Variants in MND1 observed in about 807,000 individuals in gnomAD.
MND1 encodes the protein meiotic nuclear division protein 1 homolog.
MND1 carries 28 observed loss-of-function variants against 35.1 expected under a neutral mutation model. The observed-to-expected ratio is 0.80, with a 90% CI of 0.59 to 1.09. The LOEUF (loss-of-function observed/expected upper bound fraction) is 1.09. Ranked by LOEUF, MND1 falls within the 50% of genes least tolerant of loss-of-function variation. The pLI, the probability that MND1 is intolerant of heterozygous loss-of-function variation, is 0.00. For missense variants in MND1, 213 were observed against 239.6 expected (o/e 0.89, Z 0.73); for synonymous variants, 69 against 70.5 (o/e 0.98, Z 0.11).
At chr4:153,360,777 A>ACATATATT (rs1427195317) in intron 4 of MND1, among the ~76,000 whole-genome samples, 3 of 81,490 alleles carry the variant, frequency 3.7e-5, no homozygotes, top group African/African-American at 2.3e-4. Context: ...ATACATATAC[A>ACATATATT]CATATATACA....
In MND1 at chr4:153,344,727, G is replaced by C. The variant is rs757110907; in HGVS notation, c.-11G>C. 1.3e-6 allele frequency: 2 copies of C among 1,594,578 alleles called. No homozygotes were observed. Among genetic ancestry groups the C allele is most frequent in the South Asian group, 2.3e-5 (2 of 88,352 alleles). On this transcript the variant is annotated 5_prime_UTR_variant, in exon 1 of 8. Coordinates refer to ENST00000240488, the MANE Select transcript of MND1 (RefSeq NM_032117.4). ...GCGGGCCCGGCCAGCGGAAGCCCCT[G>C]CGCCCGCGCCATGGTAAGGACTGAG...
intron 6 of MND1, among the ~76,000 whole-genome samples, chr4:153,401,229 C>T (rs965506018): frequency 6.6e-6 from 1 of 152,040 alleles, no homozygotes; most frequent in African/African-American, 2.4e-5. Context: ...ATATGGAGTC[C>T]TTGACTCCCA....
chr4:153,378,707 C>T (rs1484533864), intron 4 of MND1, among the ~76,000 whole-genome samples: 1 of 152,226 alleles, frequency 6.6e-6, no homozygotes, highest in African/African-American at 2.4e-5. Context: ...CTGGAATAGT[C>T]TCACCAGTTG....
At chr4:153,389,560 C>T (rs1336393278) in intron 4 of MND1, among the ~76,000 whole-genome samples, 1 of 152,062 alleles carries the variant, frequency 6.6e-6, no homozygotes, top group African/African-American at 2.4e-5. Flanking sequence ...GGGATTTCAC[C>T]ATGTTGGTCA....
At chr4:153,397,148 T>C in intron 5 of MND1, 71 bp from the exon 6 acceptor site, 1 of 1,003,446 alleles carries the variant, frequency 1.0e-6, no homozygotes, top group Non-Finnish European at 1.5e-6. Context: ...GAAATTGTTA[T>C]AAAATGTATT....
chr4:153,395,291 A>G (rs559547476), intron 5 of MND1, among the ~76,000 whole-genome samples: 6 of 152,144 alleles, frequency 3.9e-5, no homozygotes, highest in Non-Finnish European at 8.8e-5. Flanking sequence ...TGTTTTTTTT[A>G]AACACTGGCA....
At chr4:153,379,289 C>CAA (rs35306831) in intron 4 of MND1, among the ~76,000 whole-genome samples, 12 of 74,864 alleles carry the variant, frequency 1.6e-4, no homozygotes, top group African/African-American at 2.2e-4. Flanking sequence ...GACTCTGTCT[C>CAA]AAAAAAAAAA....
intron 4 of MND1, among the ~76,000 whole-genome samples, chr4:153,383,266 T>C (rs1395016971): frequency 6.6e-6 from 1 of 152,158 alleles, no homozygotes; most frequent in African/African-American, 2.4e-5. Flanking sequence ...TATGAATCTC[T>C]GAAAACCCAG....
At chr4:153,354,935 G>A (rs1773303571) in intron 2 of MND1, among the ~76,000 whole-genome samples, 2 of 152,154 alleles carry the variant, frequency 1.3e-5, no homozygotes, top group South Asian at 4.1e-4. Context: ...GGCTGAGACG[G>A]GAGGATTGCT....
intron 4 of MND1, among the ~76,000 whole-genome samples, chr4:153,369,397 G>A (rs952094473): frequency 3.3e-5 from 5 of 152,028 alleles, no homozygotes; most frequent in African/African-American, 9.7e-5. Flanking sequence ...ATAAATACAG[G>A]CATACCTCAG....
intron 6 of MND1, among the ~76,000 whole-genome samples, chr4:153,399,890 ATTTTTTTTTTTTTTT>A (rs34815482): frequency 4.2e-5 from 3 of 71,112 alleles, no homozygotes; most frequent in East Asian, 4.7e-4. Context: ...TTTCAGTGAG[ATTTTTTTTTTTTTTT>A]TTTTTTTTTT....
chr4:153,344,913 C>A (rs1393798209), intron 1 of MND1, among the ~76,000 whole-genome samples, 173 bp downstream of exon 1: 2 of 152,116 alleles, frequency 1.3e-5, no homozygotes, highest in Non-Finnish European at 2.9e-5. Context: ...CCGCCGCAGC[C>A]ACTCCGCACT....
intron 4 of MND1, among the ~76,000 whole-genome samples, chr4:153,379,322 AAAG>A (rs1561067173): frequency 2.1e-5 from 3 of 146,330 alleles, no homozygotes; most frequent in African/African-American, 7.7e-5. Flanking sequence ...AAGAAGAAGA[AAAG>A]AAAAAAAAAA....
At chr4:153,380,612 C>A (rs974149629) in intron 4 of MND1, among the ~76,000 whole-genome samples, 1 of 152,130 alleles carries the variant, frequency 6.6e-6, no homozygotes, top group Non-Finnish European at 1.5e-5. Context: ...GTTCTCTTAA[C>A]GAAGAAGGGC....
chr4:153,386,824 C>T (rs954211669), intron 4 of MND1, among the ~76,000 whole-genome samples: 3 of 152,080 alleles, frequency 2.0e-5, no homozygotes, highest in African/African-American at 7.2e-5. Context: ...AGTATAATCC[C>T]CTACATGTTT....
chr4:153,414,848 C>T lies in MND1; in HGVS notation c.609C>T (p.Tyr203=). The T allele has an allele frequency of 7.1e-7, 1 of 1,417,694 alleles. No individual in the cohort carries two copies. The highest frequency in any genetic ancestry group is 9.7e-7 in the Non-Finnish European group (1 of 1,031,770). The allele number at this position is 1,417,694 out of a possible 1,614,324, so 87.8% of individuals were successfully genotyped here. Residue 203 remains tyrosine (Y), a synonymous_variant, in exon 8 of 8, where the codon TAC becomes TAT. Coordinates refer to ENST00000240488, the MANE Select transcript of MND1 (RefSeq NM_032117.4). The part of the protein sequence containing the change: ...RTFGIPEDFD[Y]ID ...TTGGAATTCCAGAAGACTTTGACTA[C>T]ATAGACTAAAATATTCCATGGTGGT...
At chr4:153,349,833 T>C (rs1285905630) in intron 1 of MND1, among the ~76,000 whole-genome samples, 1 of 152,240 alleles carries the variant, frequency 6.6e-6, no homozygotes, top group Non-Finnish European at 1.5e-5. Context: ...TTATAAATGC[T>C]GAATTTCTAC....
chr4:153,414,659 T>C, intron 7 of MND1, 92 bp from the exon 8 acceptor site: 1 of 529,144 alleles, frequency 1.9e-6, no homozygotes, highest in East Asian at 3.3e-5. Flanking sequence ...TGAAAGTTAA[T>C]AGAAGGAAGT....
At position 153,381,707 on chromosome 4, in the gene MND1, T is replaced by A. The variant is rs1432674642; in HGVS notation, c.277-12555T>A. The A allele has an allele frequency of 1.6e-3, 108 of 69,650 alleles. 3 individuals carry two copies. The highest frequency in any genetic ancestry group is 5.9e-3 in the African/African-American group (80 of 13,604). The allele number at this position is 69,650 out of a possible 1,614,324, so 4.3% of individuals were successfully genotyped here. On this transcript the variant is annotated intron_variant, in intron 4 of 7. Transcript: ENST00000240488. ...ATATATATATATTTTTTTTTTTTTT[T>A]TTTTTTTTTTTTTTTTAAGAGATAG...
Sources: allele counts gnomAD v4.1 joint callset (sites outside exome capture counted in the v4.1 genomes callset), GRCh38; gene constraint gnomAD v4.1.1; transcripts MANE v1.5; gene names NCBI Gene and HGNC (gene_info 2026-07-23, HGNC 2026-07-21).